Variants in EPHA5 observed in about 807,000 individuals in gnomAD.
EPHA5 encodes EPH receptor A5.
A neutral mutation model predicts 105.0 loss-of-function variants in EPHA5; 60 were observed. That is an observed-to-expected ratio of 0.57 (90% CI 0.46 to 0.71). EPHA5 has a LOEUF of 0.71. Among genes scored for constraint, EPHA5 ranks in the 30% least tolerant of loss-of-function variants. EPHA5 has a pLI of 0.00. For missense variants in EPHA5, 1,218 were observed against 1,274.7 expected (o/e 0.96, Z 0.68); for synonymous variants, 513 against 449.1 (o/e 1.14, Z -1.80).
At chr4:65,339,678 C>T (rs528242091) in intron 14 of EPHA5, among the ~76,000 whole-genome samples, 17 of 152,040 alleles carry the variant, frequency 1.1e-4, no homozygotes, top group African/African-American at 3.1e-4. Context: ...TGCTTATTTG[C>T]TTATTCCATT....
intron 1 of EPHA5, among the ~76,000 whole-genome samples, chr4:65,659,277 G>T (rs528626241): frequency 7.3e-6 from 1 of 136,226 alleles, no homozygotes; most frequent in East Asian, 2.3e-4. Flanking sequence ...TCTGGTCTGG[G>T]CTAGAGACTG....
intron 3 of EPHA5, among the ~76,000 whole-genome samples, chr4:65,543,870 A>C (rs565841850): frequency 1.3e-5 from 2 of 152,216 alleles, no homozygotes; most frequent in African/African-American, 4.8e-5. Flanking sequence ...TGGTACCAAA[A>C]CAGATATATA....
chr4:65,332,622 G>A (rs797012654), intron 15 of EPHA5, among the ~76,000 whole-genome samples: 4 of 151,376 alleles, frequency 2.6e-5, no homozygotes, highest in African/African-American at 9.7e-5. Context: ...GGGTGGTGGG[G>A]GGTGGGGGAA....
At chr4:65,593,784 A>G (rs1395254476) in intron 3 of EPHA5, among the ~76,000 whole-genome samples, 1 of 152,234 alleles carries the variant, frequency 6.6e-6, no homozygotes, top group Non-Finnish European at 1.5e-5. Context: ...ATCACTTTTA[A>G]GCCCAATGCC....
chr4:65,479,800 C>T (rs1322948912), intron 5 of EPHA5, among the ~76,000 whole-genome samples: 1 of 151,898 alleles, frequency 6.6e-6, no homozygotes, highest in East Asian at 1.9e-4. Flanking sequence ...AAATTATATA[C>T]AATAAGCTAT....
Position 65,335,189 on chromosome 4 carries a change from CAT to C in EPHA5, c.2789+741_2789+742del, listed in dbSNP as rs368765632. Among the ~76,000 whole-genome samples, 19 of 152,034 alleles carry C rather than the reference CAT, an allele frequency of 1.2e-4. No homozygotes were observed. The East Asian group carries it at 1.4e-3, about 11-fold the overall frequency. ...TGTAAAAATAGACAACTGCCTCAAACATAGTGAAAATAACAATCTGGTAAATT... is the reference window on the plus strand; with the variant it reads ...TGTAAAAATAGACAACTGCCTCAAACAGTGAAAATAACAATCTGGTAAATT... On this transcript the variant is annotated intron_variant, in intron 15 of 16. Transcript: ENST00000613740.
intron 5 of EPHA5, among the ~76,000 whole-genome samples, chr4:65,422,197 T>C (rs1328399331): frequency 6.6e-6 from 1 of 152,046 alleles, no homozygotes; most frequent in Non-Finnish European, 1.5e-5. Context: ...ATTTCTGAGC[T>C]CAGAATAGGT....
At chr4:65,658,689 G>A (rs1749279995) in intron 1 of EPHA5, among the ~76,000 whole-genome samples, 2 of 152,062 alleles carry the variant, frequency 1.3e-5, no homozygotes, top group African/African-American at 4.8e-5. Flanking sequence ...GAAAACAGAG[G>A]CACAGAGAGG....
At chr4:65,418,030 G>A (rs1330204805) in intron 6 of EPHA5, among the ~76,000 whole-genome samples, 2 of 152,096 alleles carry the variant, frequency 1.3e-5, no homozygotes, top group East Asian at 3.9e-4. Flanking sequence ...GAAAATGTAA[G>A]TACTTGTTAA....
At position 65,607,292 on chromosome 4, in the gene EPHA5, C is replaced by A. The variant is rs1560765819; in HGVS notation, c.247-4988G>T. 1.3e-5 allele frequency among the ~76,000 whole-genome samples: 2 copies of A among 151,794 alleles called. 1 individual carries two copies. Among genetic ancestry groups the A allele is most frequent in the South Asian group, 4.2e-4 (2 of 4,818 alleles). ...GGGCAAATAATTCATAACTAAAACA[C>A]CAAAATCAATGGCAACAAAAGCCCC... On this transcript the variant is annotated intron_variant, in intron 2 of 16. Coordinates refer to ENST00000613740, the MANE Select transcript of EPHA5 (RefSeq NM_001281766.3).
At chr4:65,334,055 C>T (rs553114248) in intron 15 of EPHA5, among the ~76,000 whole-genome samples, 1 of 151,926 alleles carries the variant, frequency 6.6e-6, no homozygotes, top group Non-Finnish European at 1.5e-5. Context: ...CATGTCTCGC[C>T]TGCACAATCT....
At chr4:65,599,395 T>G (rs1161426777) in intron 3 of EPHA5, among the ~76,000 whole-genome samples, 1 of 147,636 alleles carries the variant, frequency 6.8e-6, no homozygotes, top group Non-Finnish European at 1.5e-5. Flanking sequence ...ATGTACTTAT[T>G]GTGTACAGAT....
intron 3 of EPHA5, among the ~76,000 whole-genome samples, chr4:65,521,397 A>T (rs549734423): frequency 2.6e-5 from 4 of 152,134 alleles, no homozygotes; most frequent in Non-Finnish European, 5.9e-5. Flanking sequence ...GTGGGGAGGG[A>T]TAGCATTAGG....
chr4:65,331,140 T>A lies in EPHA5; in HGVS notation c.2945+833A>T, dbSNP rs1482042634. 7 of 1,033,784 alleles carry A rather than the reference T, an allele frequency of 6.8e-6. No individual in the cohort carries two copies. The South Asian group carries it at 2.3e-4, about 34-fold the overall frequency. 64.0% of individuals were successfully genotyped at this position (1,033,784 alleles called of 1,614,324 possible). A position where few individuals can be genotyped will look rare whatever the true frequency, so the allele number is the denominator to read the frequency against. The stretch of plus-strand genomic sequence containing the variant: ...TCTAAACCTTACAATATTTTAACCT[T>A]TGAATTGGCAGGTAATTTGAAGTAA... On this transcript the variant is annotated intron_variant, in intron 16 of 16. Coordinates refer to ENST00000613740, the MANE Select transcript of EPHA5 (RefSeq NM_001281766.3).
intron 3 of EPHA5, among the ~76,000 whole-genome samples, chr4:65,571,126 A>G (rs962117096): frequency 7.9e-5 from 12 of 152,038 alleles, no homozygotes; most frequent in African/African-American, 2.9e-4. Context: ...AGTTATTTTC[A>G]AAACATTTAT....
At chr4:65,414,142 G>A (rs888375450) in intron 7 of EPHA5, 142 bp downstream of exon 7, 14 of 712,194 alleles carry the variant, frequency 2.0e-5, no homozygotes, top group Non-Finnish European at 3.3e-5. Context: ...CATGACAGAT[G>A]CTTCCTACCT....
chr4:65,396,156 T>G (rs921403237), intron 8 of EPHA5, among the ~76,000 whole-genome samples: 5 of 152,210 alleles, frequency 3.3e-5, no homozygotes, highest in Non-Finnish European at 5.9e-5. Flanking sequence ...CCAGCTCTGA[T>G]TTCAAAGCAA....
At chr4:65,611,704 C>T (rs1744775367) in intron 2 of EPHA5, among the ~76,000 whole-genome samples, 2 of 151,874 alleles carry the variant, frequency 1.3e-5, no homozygotes, top group African/African-American at 4.8e-5. Context: ...ACAACAGCAC[C>T]CATAAATCAA....
intron 3 of EPHA5, among the ~76,000 whole-genome samples, chr4:65,566,710 G>T (rs372854926): frequency 1.3e-4 from 19 of 151,720 alleles, no homozygotes; most frequent in African/African-American, 3.4e-4. Context: ...CAGTTGTAAG[G>T]CTTGTCTGTA....
Sources: gnomAD v4.1 joint callset for allele counts (sites outside exome capture counted in the v4.1 genomes callset) on GRCh38, gnomAD v4.1.1 for gene constraint, MANE v1.5 for transcripts, NCBI Gene and HGNC (gene_info 2026-07-23, HGNC 2026-07-21) for gene names.